PTCHD4: variants seen among roughly 807,000 people sequenced by gnomAD.
The protein encoded by PTCHD4 is patched domain containing 4.
PTCHD4 carries 33 observed loss-of-function variants against 58.1 expected under a neutral mutation model. The observed-to-expected ratio is 0.57, with a 90% CI of 0.43 to 0.76. The LOEUF (loss-of-function observed/expected upper bound fraction) is 0.76, where lower values mean the gene tolerates loss of function less well. Among genes scored for constraint, PTCHD4 ranks in the 30% least tolerant of loss-of-function variants. PTCHD4 has a pLI of 0.00. For missense variants in PTCHD4, 1,058 were observed against 1,027.1 expected, an observed-to-expected ratio of 1.03 and a Z score of -0.41; for synonymous variants, 478 against 409.6, an observed-to-expected ratio of 1.17 and a Z score of -2.02.
intron 3 of PTCHD4, among the ~76,000 whole-genome samples, chr6:48,015,718 T>A (rs7768696): frequency 0.015 from 2,214 of 152,084 alleles, 94 homozygotes; most frequent in African/African-American, 0.051. Flanking sequence ...TTTGAAATGA[T>A]CTTATTTTAT....
chr6:47,943,993 C>A (rs984421268), intron 4 of PTCHD4, among the ~76,000 whole-genome samples: 4 of 152,000 alleles, frequency 2.6e-5, no homozygotes, highest in African/African-American at 9.7e-5. Context: ...AATGATCAAT[C>A]TTCAGGAATA....
At chr6:48,093,645 A>G (rs1765408713) in intron 1 of PTCHD4, among the ~76,000 whole-genome samples, 1 of 152,002 alleles carries the variant, frequency 6.6e-6, no homozygotes, top group African/African-American at 2.4e-5. Context: ...AAATCTGACA[A>G]CCTCCCTGCC....
At chr6:48,082,225 A>G (rs994717131) in intron 1 of PTCHD4, among the ~76,000 whole-genome samples, 1 of 152,226 alleles carries the variant, frequency 6.6e-6, no homozygotes, top group Non-Finnish European at 1.5e-5. Flanking sequence ...ATGAATGAAG[A>G]AGGAAGACAT....
intron 4 of PTCHD4, among the ~76,000 whole-genome samples, chr6:47,953,454 C>T (rs1766731584): frequency 6.6e-6 from 1 of 152,158 alleles, no homozygotes; most frequent in South Asian, 2.1e-4. Flanking sequence ...TAATATCACT[C>T]CTGAACTGTA....
chr6:47,914,755 TCTATC>T (rs1561954621), intron 4 of PTCHD4, among the ~76,000 whole-genome samples: 5 of 147,370 alleles, frequency 3.4e-5, no homozygotes, highest in African/African-American at 7.9e-5. Context: ...TATCTATCTA[TCTATC>T]TATCTATCTA....
rs187529027 is a variant in PTCHD4, at chr6:47,857,810, G to T, written c.*20493C>A. Among the ~76,000 whole-genome samples, 4 of 151,840 alleles carry T rather than the reference G, an allele frequency of 2.6e-5. No homozygotes were observed. The highest frequency in any genetic ancestry group is 2.6e-4 in the Admixed American group (4 of 15,200). ...CAGGTATTAAACATACAAATGATTG[G>T]CATTAAACATTCTTTTTACAAGCTG... On this transcript the variant is annotated 3_prime_UTR_variant, in exon 5 of 5. Coordinates refer to ENST00000339488, the MANE Select transcript of PTCHD4 (RefSeq NM_001384253.1).
intron 4 of PTCHD4, among the ~76,000 whole-genome samples, chr6:47,927,243 G>A (rs186162502): frequency 1.3e-5 from 2 of 152,330 alleles, no homozygotes; most frequent in East Asian, 1.9e-4. Context: ...TCTACAAGGA[G>A]GCAAAATCTC....
Position 48,069,667 on chromosome 6 carries a change from C to T in PTCHD4, c.-710G>A, listed in dbSNP as rs982145534. On this transcript the variant is annotated 5_prime_UTR_variant, in exon 2 of 5. Transcript: ENST00000339488. The stretch of plus-strand genomic sequence containing the variant: ...TTTGCCAATAGCAGTAGCCTGTGTG[C>T]GTGTGCGTGTGCGTGTGTGTGTATT... Among the ~76,000 whole-genome samples, 24 of 108,204 alleles carry T rather than the reference C, an allele frequency of 2.2e-4. No individual in the cohort carries two copies. Among genetic ancestry groups the T allele is most frequent in the African/African-American group, 8.4e-4 (22 of 26,308 alleles). 71.0% of individuals were successfully genotyped at this position (108,204 alleles called of 152,430 possible).
In PTCHD4 at chr6:48,068,216, C is replaced by T; in HGVS notation, c.417+14G>A. On this transcript the variant is annotated intron_variant, in intron 3 of 4. Coordinates refer to ENST00000339488, the MANE Select transcript of PTCHD4 (RefSeq NM_001384253.1). The surrounding 1 kb of genome is among the most constrained non-coding windows in gnomAD (Gnocchi z 4.2). The stretch of plus-strand genomic sequence containing the variant: ...CAGATGGGAAAAAGTATAATTATAG[C>T]CCTTGTGGTTCACCTTCATTTCCAG... The T allele has an allele frequency of 1.3e-6, 2 of 1,547,586 alleles. No individual in the cohort carries two copies. Among genetic ancestry groups the T allele is most frequent in the Non-Finnish European group, 1.7e-6 (2 of 1,146,416 alleles).
At chr6:48,024,380 C>T (rs1763170531) in intron 3 of PTCHD4, among the ~76,000 whole-genome samples, 1 of 151,998 alleles carries the variant, frequency 6.6e-6, no homozygotes, top group Admixed American at 6.6e-5. Context: ...CAGGAGGTTC[C>T]ACTCTCAACA....
At chr6:48,101,024 G>C (rs1765592489) in intron 1 of PTCHD4, among the ~76,000 whole-genome samples, 1 of 151,804 alleles carries the variant, frequency 6.6e-6, no homozygotes, top group Non-Finnish European at 1.5e-5. Context: ...TTCTATGACA[G>C]AGATAACATT....
intron 3 of PTCHD4, among the ~76,000 whole-genome samples, chr6:48,055,803 C>T (rs1018639921): frequency 5.3e-5 from 8 of 152,214 alleles, no homozygotes; most frequent in African/African-American, 1.9e-4. Context: ...GCGCCCTACC[C>T]TCTCTGGCCT....
At chr6:47,900,725 T>C (rs1473143510) in intron 4 of PTCHD4, 1 of 152,260 alleles carries the variant, frequency 6.6e-6, no homozygotes, top group Non-Finnish European at 1.5e-5. Context: ...TTTGTTGTCA[T>C]AAAATGTTGT....
chr6:48,013,377 T>TTG (rs766372609), intron 3 of PTCHD4, among the ~76,000 whole-genome samples: 1 of 100,538 alleles, frequency 9.9e-6, no homozygotes, highest in Non-Finnish European at 2.4e-5. Context: ...TCAGTTGAGT[T>TTG]TTTTTTTTTT....
intron 3 of PTCHD4, among the ~76,000 whole-genome samples, chr6:48,016,834 A>G (rs768096991): frequency 6.6e-6 from 1 of 150,596 alleles, no homozygotes; most frequent in Non-Finnish European, 1.5e-5. Context: ...AGAGAAAAAA[A>G]TTACTTGATG....
At chr6:48,085,225 T>A (rs1032736376) in intron 1 of PTCHD4, among the ~76,000 whole-genome samples, 2 of 152,190 alleles carry the variant, frequency 1.3e-5, no homozygotes, top group Non-Finnish European at 2.9e-5. Context: ...AGCAAGGGGT[T>A]TAAATACCTT....
At chr6:47,973,924 A>G (rs1234849559) in intron 4 of PTCHD4, among the ~76,000 whole-genome samples, 1 of 152,192 alleles carries the variant, frequency 6.6e-6, no homozygotes, top group Non-Finnish European at 1.5e-5. Flanking sequence ...CCAGTTATCA[A>G]GTAGTAACAT....
chr6:48,060,835 G>A (rs1764602377), intron 3 of PTCHD4, among the ~76,000 whole-genome samples: 1 of 152,210 alleles, frequency 6.6e-6, no homozygotes, highest in Admixed American at 6.5e-5. Context: ...TCCATGTTGG[G>A]AGGGGAGCTC....
intron 1 of PTCHD4, among the ~76,000 whole-genome samples, chr6:48,082,129 T>G (rs1765179729): frequency 1.3e-5 from 2 of 152,164 alleles, no homozygotes; most frequent in South Asian, 4.1e-4. Context: ...GGGGAAATAT[T>G]CCAATGCCTA....
Sources: gnomAD v4.1 joint callset for allele counts (sites outside exome capture counted in the v4.1 genomes callset) on GRCh38, gnomAD v4.1.1 for gene constraint, Gnocchi (gnomAD v3.1) non-coding constraint, MANE v1.5 for transcripts, NCBI Gene and HGNC (gene_info 2026-07-23, HGNC 2026-07-21) for gene names.